The following RLF variants were observed in gnomAD, a reference collection of about 807,000 sequenced individuals.
RLF encodes RLF zinc finger, also known as zinc finger protein Rlf.
RLF carries 7 observed loss-of-function variants against 162.9 expected under a neutral mutation model. The observed-to-expected ratio is 0.04, with a 90% CI of 0.02 to 0.08. RLF has a LOEUF of 0.08. RLF is among the 10% of genes least tolerant of loss of function. The pLI, the probability that RLF is intolerant of heterozygous loss-of-function variation, is 1.00. For synonymous variants in RLF, 782 were observed against 791.5 expected, an observed-to-expected ratio of 0.99 and a Z score of 0.20; for missense variants, 1,664 against 2,244.7, an observed-to-expected ratio of 0.74 and a Z score of 5.23.
In RLF at chr1:40,161,596, C is replaced by T. The variant is rs1393710648; in HGVS notation, c.197C>T (p.Ser66Leu). 3 of 1,612,870 alleles carry T rather than the reference C, an allele frequency of 1.9e-6. No homozygotes were observed. The highest frequency in any genetic ancestry group is 2.2e-5 in the East Asian group (1 of 44,782). Residue 66 changes from serine to leucine, a missense_variant, in exon 1 of 8, where the codon TCG becomes TTG. Ser to Leu is a moderately radical substitution (Grantham distance 145). Transcript: ENST00000372771. This position sits in a 1 kb window ranked among gnomAD's most constrained non-coding sequence, Gnocchi z 4.4. ...ACAGAGCTGAGGGAGCAAGAGGTGTCGGAGGTCTCATCTTTGAACTACTGC... is the reference window on the plus strand; with the variant it reads ...ACAGAGCTGAGGGAGCAAGAGGTGTTGGAGGTCTCATCTTTGAACTACTGC... ...LETELREQEV[S>L]EVSSLNYCRS... is the part of the protein sequence containing the mutation.
At chr1:40,183,998 C>T (rs1642439703) in intron 1 of RLF, among the ~76,000 whole-genome samples, 1 of 152,126 alleles carries the variant, frequency 6.6e-6, no homozygotes. Flanking sequence ...GAAAGAAATT[C>T]TCCTTTCTTG....
At chr1:40,194,001 C>T (rs1642595586) in intron 3 of RLF, among the ~76,000 whole-genome samples, 2 of 152,122 alleles carry the variant, frequency 1.3e-5, no homozygotes, top group South Asian at 4.1e-4. Context: ...AACATGGGAA[C>T]AAGCTCACCA....
chr1:40,213,456 G>T (rs529048200), intron 5 of RLF, among the ~76,000 whole-genome samples: 1 of 152,280 alleles, frequency 6.6e-6, no homozygotes, highest in Non-Finnish European at 1.5e-5. Context: ...TACAAGGTCC[G>T]TGCAGCATCA....
chr1:40,200,403 G>C (rs960036556), intron 4 of RLF, among the ~76,000 whole-genome samples: 1 of 152,104 alleles, frequency 6.6e-6, no homozygotes, highest in Admixed American at 6.5e-5. Flanking sequence ...CTGTATATAG[G>C]GTTGTAAGTT....
chr1:40,173,676 G>A (rs945696173), intron 1 of RLF, among the ~76,000 whole-genome samples: 2 of 152,014 alleles, frequency 1.3e-5, no homozygotes, highest in Admixed American at 6.6e-5. Context: ...ATCACACCCA[G>A]CTAATTTTTT....
intron 5 of RLF, among the ~76,000 whole-genome samples, chr1:40,221,622 C>CG (rs1642996132): frequency 6.6e-6 from 1 of 151,142 alleles, no homozygotes; most frequent in Non-Finnish European, 1.5e-5. Context: ...AAAAAAAGGC[C>CG]GGGCACGGTG....
chr1:40,205,454 C>CTTAAT (rs1004998955), intron 5 of RLF, among the ~76,000 whole-genome samples: 4 of 142,418 alleles, frequency 2.8e-5, no homozygotes, highest in Non-Finnish European at 6.1e-5. Flanking sequence ...AACAAATTGT[C>CTTAAT]TTAATTTACT....
intron 7 of RLF, among the ~76,000 whole-genome samples, chr1:40,233,117 A>G (rs1417169605): frequency 1.3e-5 from 2 of 151,360 alleles, no homozygotes; most frequent in Non-Finnish European, 2.9e-5. Flanking sequence ...AAAAGCAAAG[A>G]TTGAATGACT....
chr1:40,180,473 G>T (rs907102158), intron 1 of RLF, among the ~76,000 whole-genome samples: 4 of 152,104 alleles, frequency 2.6e-5, no homozygotes, highest in African/African-American at 9.7e-5. Context: ...TGTTGGCCAG[G>T]CTGGTCTCGA....
intron 4 of RLF, among the ~76,000 whole-genome samples, chr1:40,196,125 G>C (rs1642632668): frequency 6.6e-6 from 1 of 151,828 alleles, no homozygotes; most frequent in Admixed American, 6.6e-5. Flanking sequence ...ACCCAGGCTG[G>C]AGTGCAGTGG....
rs192951017 is a variant in RLF, at chr1:40,198,393, C to A, written c.607+2629C>A. Among the ~76,000 whole-genome samples, 511 of 151,118 alleles carry A rather than the reference C, an allele frequency of 3.4e-3. 8 individuals carry two copies. The highest frequency in any genetic ancestry group is 0.012 in the African/African-American group (489 of 41,072). On this transcript the variant is annotated intron_variant, in intron 4 of 7. Transcript: ENST00000372771. ...GATCTCGGCTCACTGCAACCTCCGC[C>A]TCCTGGGTTCAAGTCATTCTCCTGC...
intron 3 of RLF, among the ~76,000 whole-genome samples, chr1:40,191,412 C>G (rs1291286074): frequency 6.6e-6 from 1 of 152,042 alleles, no homozygotes; most frequent in Admixed American, 6.6e-5. Context: ...GTGGCGGACA[C>G]CTGTAATCCC....
intron 1 of RLF, among the ~76,000 whole-genome samples, chr1:40,184,532 A>G (rs1642446653): frequency 6.6e-6 from 1 of 152,162 alleles, no homozygotes; most frequent in Non-Finnish European, 1.5e-5. Context: ...TTTGCTGGGG[A>G]AGATGTTTGG....
At chr1:40,224,041 C>A (rs898139059) in intron 6 of RLF, among the ~76,000 whole-genome samples, 1 of 152,120 alleles carries the variant, frequency 6.6e-6, no homozygotes, top group African/African-American at 2.4e-5. Flanking sequence ...GTTTTCAGTA[C>A]GAATAATAAA....
intron 5 of RLF, among the ~76,000 whole-genome samples, chr1:40,216,349 G>C (rs1223428344): frequency 6.6e-6 from 1 of 152,042 alleles, no homozygotes; most frequent in Non-Finnish European, 1.5e-5. Context: ...TCAGCTGGGC[G>C]TGGTGGCACA....
chr1:40,213,564 CA>C (rs1354580894), intron 5 of RLF, among the ~76,000 whole-genome samples: 1 of 152,168 alleles, frequency 6.6e-6, no homozygotes, highest in African/African-American at 2.4e-5. Context: ...TTGAAGCTAA[CA>C]GATGATTTTC....
chr1:40,186,215 T>C (rs1234364366), intron 1 of RLF, among the ~76,000 whole-genome samples: 1 of 152,022 alleles, frequency 6.6e-6, no homozygotes, highest in Non-Finnish European at 1.5e-5. Flanking sequence ...ATGCCTGTAG[T>C]CCCAGCTACT....
At chr1:40,216,375 C>G (rs1295535621) in intron 5 of RLF, among the ~76,000 whole-genome samples, 1 of 151,990 alleles carries the variant, frequency 6.6e-6, no homozygotes, top group Admixed American at 6.6e-5. Flanking sequence ...GTAGTCCCAG[C>G]TACTCAGGAG....
intron 4 of RLF, among the ~76,000 whole-genome samples, chr1:40,200,050 T>A (rs1452367729): frequency 5.3e-5 from 8 of 152,336 alleles, no homozygotes; most frequent in Non-Finnish European, 1.0e-4. Flanking sequence ...GGGACTAAAA[T>A]GGAAAAGTCC....
Sources: allele counts gnomAD v4.1 joint callset (sites outside exome capture counted in the v4.1 genomes callset), GRCh38; gene constraint gnomAD v4.1.1; non-coding constraint Gnocchi (gnomAD v3.1); transcripts MANE v1.5; gene names NCBI Gene and HGNC (gene_info 2026-07-23, HGNC 2026-07-21).